Variants in NEGR1 observed in about 807,000 individuals in gnomAD.
NEGR1 encodes IgLON family member 4.
A neutral mutation model predicts 40.9 loss-of-function variants in NEGR1; 10 were observed. The ratio of observed to expected loss-of-function variants is 0.24; its 90% CI spans 0.15 to 0.42. The LOEUF (loss-of-function observed/expected upper bound fraction) is 0.42, where lower values mean the gene tolerates loss of function less well. NEGR1 is among the 10% of genes least tolerant of loss of function. NEGR1 has a pLI of 1.00. For missense variants in NEGR1, 352 were observed against 438.9 expected (o/e 0.80, Z 1.77); for synonymous variants, 185 against 166.8 (o/e 1.11, Z -0.84).
intron 4 of NEGR1, among the ~76,000 whole-genome samples, chr1:71,682,799 A>G (rs1392363023): frequency 2.6e-5 from 4 of 152,072 alleles, no homozygotes; most frequent in African/African-American, 4.8e-5. Context: ...TCCTCTTGGC[A>G]ATGAGTGAGT....
At chr1:71,791,097 C>T (rs780961242) in intron 2 of NEGR1, among the ~76,000 whole-genome samples, 9 of 151,968 alleles carry the variant, frequency 5.9e-5, no homozygotes, top group Non-Finnish European at 1.0e-4. Flanking sequence ...CCCTTTCTTA[C>T]AGCATTTTTA....
chr1:71,842,635 T>G (rs1282050680), intron 2 of NEGR1, among the ~76,000 whole-genome samples: 2 of 152,220 alleles, frequency 1.3e-5, no homozygotes, highest in South Asian at 2.1e-4. Context: ...ACAGCATTGT[T>G]GCAGATTTTG....
intron 6 of NEGR1, among the ~76,000 whole-genome samples, chr1:71,459,244 A>G (rs997851105): frequency 1.3e-5 from 2 of 152,184 alleles, no homozygotes; most frequent in African/African-American, 4.8e-5. Context: ...TTTCTCTTCC[A>G]TAAAGTCTTC....
chr1:72,152,710 G>T (rs1008501210), intron 1 of NEGR1, among the ~76,000 whole-genome samples: 7 of 151,910 alleles, frequency 4.6e-5, no homozygotes, highest in Non-Finnish European at 1.0e-4. Context: ...TAGCAAAGAT[G>T]TGGAATCAAC....
At chr1:71,682,034 C>A (rs748158636) in intron 4 of NEGR1, among the ~76,000 whole-genome samples, 8 of 151,820 alleles carry the variant, frequency 5.3e-5, no homozygotes, top group Non-Finnish European at 1.2e-4. Context: ...GCCATGTTGG[C>A]CAGGCTGGTC....
chr1:71,661,339 C>T (rs1652047401), intron 4 of NEGR1, among the ~76,000 whole-genome samples: 1 of 152,050 alleles, frequency 6.6e-6, no homozygotes, highest in Non-Finnish European at 1.5e-5. Context: ...TAGTGGGGGT[C>T]TTTTATAAGG....
intron 6 of NEGR1, among the ~76,000 whole-genome samples, chr1:71,492,950 G>C (rs1646939201): frequency 6.6e-6 from 1 of 152,012 alleles, no homozygotes; most frequent in African/African-American, 2.4e-5. Context: ...TCCCAAAATT[G>C]TTCTCCATTG....
intron 1 of NEGR1, among the ~76,000 whole-genome samples, chr1:72,051,765 G>C (rs1357158923): frequency 6.6e-6 from 1 of 151,360 alleles, no homozygotes; most frequent in Non-Finnish European, 1.5e-5. Context: ...TCATATAATG[G>C]CAATAAAGAC....
At chr1:71,859,765 T>G (rs1432420495) in intron 2 of NEGR1, among the ~76,000 whole-genome samples, 1 of 152,102 alleles carries the variant, frequency 6.6e-6, no homozygotes, top group Admixed American at 6.6e-5. Context: ...TTTAGTTCAC[T>G]GTTTTATCAC....
At chr1:71,492,814 C>T (rs993646059) in intron 6 of NEGR1, among the ~76,000 whole-genome samples, 8 of 151,982 alleles carry the variant, frequency 5.3e-5, no homozygotes, top group Admixed American at 2.6e-4. Flanking sequence ...AGTGCCGTAA[C>T]AAAAATATGT....
chr1:71,449,293 C>T (rs1374321766), intron 6 of NEGR1, among the ~76,000 whole-genome samples: 1 of 152,194 alleles, frequency 6.6e-6, no homozygotes, highest in Non-Finnish European at 1.5e-5. Flanking sequence ...TGATTTGACA[C>T]TGTTTACACT....
intron 2 of NEGR1, among the ~76,000 whole-genome samples, chr1:71,819,466 T>C (rs984565740): frequency 6.6e-5 from 10 of 151,690 alleles, no homozygotes; most frequent in Non-Finnish European, 1.2e-4. Context: ...GAGTATATTA[T>C]GAAAAAGGAA....
At chr1:71,546,060 G>C (rs115621913) in intron 6 of NEGR1, among the ~76,000 whole-genome samples, 3,110 of 151,814 alleles carry the variant, frequency 0.02, 55 homozygotes, top group African/African-American at 0.036. Flanking sequence ...AGAAGGAAAA[G>C]TAATATTTAG....
chr1:71,505,841 T>C (rs11810818), intron 6 of NEGR1, among the ~76,000 whole-genome samples: 6,122 of 152,202 alleles, frequency 0.04, 408 homozygotes, highest in African/African-American at 0.14. Flanking sequence ...GGGAACCCAG[T>C]TGTTACAATA....
In NEGR1 at chr1:71,397,525, T is replaced by C. The variant is rs1646220197; in HGVS notation, c.*9921A>G. 1 of 152,268 alleles carries C rather than the reference T, an allele frequency of 6.6e-6. No homozygotes were observed. Among genetic ancestry groups the C allele is most frequent in the Middle Eastern group, 3.4e-3 (1 of 292 alleles). 9.4% of individuals were successfully genotyped at this position (152,268 alleles called of 1,614,324 possible). On this transcript the variant is annotated 3_prime_UTR_variant, in exon 7 of 7. Transcript: ENST00000357731. ...TATTTTTAGTAGAGTTGGGGTTTTA[T>C]CATGTTGGCCAGGTTGGTCTCAAAT...
intron 1 of NEGR1, among the ~76,000 whole-genome samples, chr1:72,044,457 T>C (rs545821352): frequency 6.6e-5 from 10 of 151,892 alleles, no homozygotes; most frequent in African/African-American, 2.2e-4. Context: ...ATAGAAAATT[T>C]GAATGCCATG....
At chr1:71,470,080 A>G (rs1442909734) in intron 6 of NEGR1, among the ~76,000 whole-genome samples, 1 of 152,098 alleles carries the variant, frequency 6.6e-6, no homozygotes, top group Non-Finnish European at 1.5e-5. Flanking sequence ...CTTATTGGTC[A>G]TATCTTTTTT....
intron 1 of NEGR1, among the ~76,000 whole-genome samples, chr1:72,127,903 AAAAAC>A (rs1650092634): frequency 1.3e-5 from 2 of 152,194 alleles, no homozygotes; most frequent in Admixed American, 6.5e-5. Flanking sequence ...TGGTTGTGGA[AAAAAC>A]AAAACAAACA....
At chr1:71,714,939 G>A (rs1338341167) in intron 3 of NEGR1, among the ~76,000 whole-genome samples, 1 of 152,222 alleles carries the variant, frequency 6.6e-6, no homozygotes, top group Non-Finnish European at 1.5e-5. Flanking sequence ...AGGACTCTGT[G>A]TGAAAGCTCC....
Sources: gnomAD v4.1 joint callset for allele counts (sites outside exome capture counted in the v4.1 genomes callset) on GRCh38, gnomAD v4.1.1 for gene constraint, MANE v1.5 for transcripts, NCBI Gene and HGNC (gene_info 2026-07-23, HGNC 2026-07-21) for gene names.